Variants in FAIM2 observed in about 807,000 individuals in gnomAD.
FAIM2 encodes the protein protein lifeguard 2.
FAIM2 carries 27 observed loss-of-function variants against 47.4 expected under a neutral mutation model. That is an observed-to-expected ratio of 0.57 (90% confidence interval 0.42 to 0.78). The LOEUF is 0.78. Ranked by LOEUF, FAIM2 falls within the 30% of genes least tolerant of loss-of-function variation. The pLI is 0.00. For missense variants in FAIM2, 311 were observed against 389.4 expected (o/e 0.80, Z 1.69); for synonymous variants, 156 against 159.3 (o/e 0.98, Z 0.16).
In FAIM2 at chr12:49,870,431, C is replaced by T. The variant is rs1946693669; in HGVS notation, c.*73G>A. On this transcript the variant is annotated 3_prime_UTR_variant, in exon 12 of 12. Coordinates refer to ENST00000320634, the MANE Select transcript of FAIM2 (RefSeq NM_012306.4). ...GCAGCTAGTTTTATATCTGGTCTCGCAGGAGCGCAGGGGAGGGACAGGGAA... is the reference window on the plus strand; with the variant it reads ...GCAGCTAGTTTTATATCTGGTCTCGTAGGAGCGCAGGGGAGGGACAGGGAA... 7.1e-7 allele frequency: 1 copy of T among 1,402,864 alleles called. No homozygotes were observed. Among genetic ancestry groups the T allele is most frequent in the Non-Finnish European group, 1.0e-6 (1 of 1,004,274 alleles). 86.9% of individuals were successfully genotyped at this position (1,402,864 alleles called of 1,614,324 possible). A position where few individuals can be genotyped will look rare whatever the true frequency, so the allele number is the denominator to read the frequency against.
Position 49,889,218 on chromosome 12 carries a change from G to A in FAIM2, c.652-16C>T, listed in dbSNP as rs1218524962. The A allele has an allele frequency of 6.3e-7, 1 of 1,597,566 alleles. No homozygotes were observed. On this transcript the variant is annotated splice_polypyrimidine_tract_variant and intron_variant, in intron 9 of 11. Transcript: ENST00000320634. ...TGAAGTCGAACTGTGGGGACAGGATGGGGTTAGCTGCAGGAGCGGCCTGAC... is the reference window on the plus strand; with the variant it reads ...TGAAGTCGAACTGTGGGGACAGGATAGGGTTAGCTGCAGGAGCGGCCTGAC...
At position 49,867,794 on chromosome 12, in the gene FAIM2, A is replaced by G. The variant is rs1456896545; in HGVS notation, c.*2710T>C. On this transcript the variant is annotated 3_prime_UTR_variant, in exon 12 of 12. Coordinates refer to ENST00000320634, the MANE Select transcript of FAIM2 (RefSeq NM_012306.4). Reference sequence around the variant, plus strand: ...TGTTCCCCTGCCCTTCCTACTTCTGACGCCTCTCCTGGTGTTTCAGGATTC... The same window carrying G: ...TGTTCCCCTGCCCTTCCTACTTCTGGCGCCTCTCCTGGTGTTTCAGGATTC... 6.6e-6 allele frequency: 1 copy of G among 152,200 alleles called. No homozygotes were observed. The highest frequency in any genetic ancestry group is 1.5e-5 in the Non-Finnish European group (1 of 68,328). The allele number at this position is 152,200 out of a possible 1,614,324, so 9.4% of individuals were successfully genotyped here.
chr12:49,884,771 G>A (rs297923), intron 11 of FAIM2, among the ~76,000 whole-genome samples: 27,501 of 152,158 alleles, frequency 0.18, 2,690 homozygotes, highest in African/African-American at 0.24. Flanking sequence ...TCAGGAGATC[G>A]AGACCATCCT....
chr12:49,884,148 C>T (rs1051144830), intron 11 of FAIM2, among the ~76,000 whole-genome samples: 25 of 151,854 alleles, frequency 1.6e-4, no homozygotes, highest in African/African-American at 5.8e-4. Flanking sequence ...CACTTGAACC[C>T]AGGAGGCAGA....
At chr12:49,879,702 G>T (rs1755470591) in intron 11 of FAIM2, among the ~76,000 whole-genome samples, 1 of 24,032 alleles carries the variant, frequency 4.2e-5, no homozygotes, top group Non-Finnish European at 8.1e-5. Flanking sequence ...CTGTGTGCAT[G>T]TGTGTGTGTG....
chr12:49,881,434 T>G (rs1946824906), intron 11 of FAIM2, among the ~76,000 whole-genome samples: 5 of 152,108 alleles, frequency 3.3e-5, no homozygotes, highest in Admixed American at 3.3e-4. Flanking sequence ...GGACTTGGGC[T>G]CCTGATTTAG....
chr12:49,889,703 T>C (rs1027220354), intron 8 of FAIM2, 135 bp from the exon 9 acceptor site: 9 of 692,760 alleles, frequency 1.3e-5, no homozygotes, highest in Admixed American at 7.2e-5. Flanking sequence ...TTTCCCCAGA[T>C]CCCTCTGTCT....
chr12:49,880,732 G>T lies in FAIM2; in HGVS notation c.801+6654C>A, dbSNP rs1449020447. Reference sequence around the variant, plus strand: ...TGTGTACATGCGTGTATATGTGTGTGTGTATGTGTGCATGTGTGTGTGCGC... The same window carrying T: ...TGTGTACATGCGTGTATATGTGTGTTTGTATGTGTGCATGTGTGTGTGCGC... On this transcript the variant is annotated intron_variant, in intron 11 of 11. Transcript: ENST00000320634. 2.6e-5 allele frequency among the ~76,000 whole-genome samples: 4 copies of T among 151,884 alleles called. No individual in the cohort carries two copies. The East Asian group carries it at 7.7e-4, about 29-fold the overall frequency.
Position 49,897,548 on chromosome 12 carries a change from G to A in FAIM2, c.351C>T (p.Thr117=), listed in dbSNP as rs574579105. The A allele has an allele frequency of 2.3e-5, 37 of 1,614,170 alleles. No homozygotes were observed. In the South Asian group the frequency reaches 3.8e-4, roughly 17 times the overall value. The change falls in exon 4 of 12, where the codon ACC becomes ACT. Residue 117 remains threonine, a synonymous_variant. Transcript: ENST00000320634. ...YTILLIQLLV[T]LAVVALFTFC... ...AAGTAAAGAGAGCCACGACAGCCAA[G>A]GTCACCAGCAGCTGAATCAGCAGGA...
chr12:49,900,214 G>A (rs762902516), intron 2 of FAIM2: 65 of 1,287,546 alleles, frequency 5.0e-5, no homozygotes, highest in Admixed American at 1.6e-4. Flanking sequence ...TGCGCCCAGG[G>A]GATTTGTAGT....
intron 5 of FAIM2, among the ~76,000 whole-genome samples, chr12:49,892,377 A>G (rs1946906597): frequency 6.6e-6 from 1 of 151,868 alleles, no homozygotes; most frequent in African/African-American, 2.4e-5. Context: ...AGCTACTGCC[A>G]CTTCATCCTC....
intron 5 of FAIM2, among the ~76,000 whole-genome samples, chr12:49,893,080 C>T (rs1303400118): frequency 1.3e-5 from 2 of 152,244 alleles, no homozygotes; most frequent in Admixed American, 1.3e-4. Flanking sequence ...GCACCTCTCT[C>T]TCTCTCTGGC....
intron 11 of FAIM2, among the ~76,000 whole-genome samples, chr12:49,871,957 G>A: frequency 6.6e-6 from 1 of 152,134 alleles, no homozygotes; most frequent in East Asian, 1.9e-4. Context: ...TGAGCCACCA[G>A]GCCCAGCCCG....
At chr12:49,895,312 C>A (rs1397554215) in intron 5 of FAIM2, among the ~76,000 whole-genome samples, 1 of 152,076 alleles carries the variant, frequency 6.6e-6, no homozygotes, top group Non-Finnish European at 1.5e-5. Context: ...TCTCACACTG[C>A]ACCCTCCCAA....
chr12:49,902,002 G>A (rs923846339), intron 1 of FAIM2: 1 of 152,280 alleles, frequency 6.6e-6, no homozygotes, highest in African/African-American at 2.4e-5. Context: ...CATCCTGTAG[G>A]AATCTCAGCC....
chr12:49,897,761 C>G (rs1027700013), intron 3 of FAIM2, among the ~76,000 whole-genome samples, 178 bp from the exon 4 acceptor site: 2 of 123,362 alleles, frequency 1.6e-5, no homozygotes, highest in African/African-American at 9.7e-5. Flanking sequence ...CAGAGCCAAG[C>G]GCACCCCCCC....
Position 49,901,172 on chromosome 12 carries a change from TGGGGGCTGG to T in FAIM2, c.160_168del (p.Pro54_Pro56del). 1 of 1,606,770 alleles carries T rather than the reference TGGGGGCTGG, an allele frequency of 6.2e-7. No individual in the cohort carries two copies. The highest frequency in any genetic ancestry group is 8.5e-7 in the Non-Finnish European group (1 of 1,177,006). ...CAGCTAGGGTGGAGAGGCACCGCTGTGGGGGCTGGGGGGAAGGCCCCTGCCTTCATCCCC... is the reference window on the plus strand; with the variant it reads ...CAGCTAGGGTGGAGAGGCACCGCTGTGGGGAAGGCCCCTGCCTTCATCCCC... On this transcript the variant is annotated inframe_deletion, in exon 2 of 12. Transcript: ENST00000320634.
chr12:49,871,106 G>A (rs975019282), intron 11 of FAIM2, among the ~76,000 whole-genome samples: 11 of 152,178 alleles, frequency 7.2e-5, no homozygotes, highest in African/African-American at 1.7e-4. Context: ...GAAGGCAAAC[G>A]CTTCAGGTAC....
intron 11 of FAIM2, among the ~76,000 whole-genome samples, chr12:49,872,556 T>C (rs1477508650): frequency 6.6e-6 from 1 of 152,218 alleles, no homozygotes; most frequent in Admixed American, 6.5e-5. Flanking sequence ...GACGCAGCCC[T>C]GTAGAATCCT....
Sources: allele counts gnomAD v4.1 joint callset (sites outside exome capture counted in the v4.1 genomes callset), GRCh38; gene constraint gnomAD v4.1.1; transcripts MANE v1.5; gene names NCBI Gene and HGNC (gene_info 2026-07-23, HGNC 2026-07-21).